FGD5: variants seen among roughly 807,000 people sequenced by gnomAD.
The protein encoded by FGD5 is FYVE, RhoGEF and PH domain-containing protein 5.
A neutral mutation model predicts 133.4 loss-of-function variants in FGD5; 28 were observed. The ratio of observed to expected loss-of-function variants is 0.21; its 90% CI spans 0.16 to 0.29. The LOEUF is 0.29. Ranked by LOEUF, FGD5 falls within the 10% of genes least tolerant of loss-of-function variation. The pLI, the probability that FGD5 is intolerant of heterozygous loss-of-function variation, is 1.00. For missense variants in FGD5, 1,858 were observed against 1,895.2 expected (o/e 0.98, Z 0.36); for synonymous variants, 810 against 776.5 (o/e 1.04, Z -0.72).
chr3:14,825,814 C>G (rs2036588568), intron 1 of FGD5, among the ~76,000 whole-genome samples: 1 of 152,150 alleles, frequency 6.6e-6, no homozygotes, highest in African/African-American at 2.4e-5. Context: ...GCGTGGGGAA[C>G]CCAGTCTTCA....
chr3:14,909,756 CTTTTCT>C (rs1446499898), intron 10 of FGD5, among the ~76,000 whole-genome samples: 8 of 145,390 alleles, frequency 5.5e-5, no homozygotes, highest in East Asian at 2.3e-4. Flanking sequence ...CTTTTCTTTT[CTTTTCT>C]TTTTTTTTTT....
At chr3:14,844,559 C>G (rs942700290) in intron 1 of FGD5, among the ~76,000 whole-genome samples, 1 of 151,650 alleles carries the variant, frequency 6.6e-6, no homozygotes, top group Non-Finnish European at 1.5e-5. Context: ...GGAGAAGGGT[C>G]CCTTGGGGAC....
At position 14,844,215 on chromosome 3, in the gene FGD5, AAAATATATATATATATATATATATATAT is replaced by A. The variant is rs1372811072; in HGVS notation, c.2526-19911_2526-19884del. 4.8e-3 allele frequency among the ~76,000 whole-genome samples: 133 copies of A among 27,506 alleles called. 17 individuals carry two copies. Among genetic ancestry groups the A allele is most frequent in the African/African-American group, 8.2e-3 (52 of 6,344 alleles). The allele number at this position is 27,506 out of a possible 152,430, so 18.0% of individuals were successfully genotyped here. A position where few individuals can be genotyped will look rare whatever the true frequency, so the allele number is the denominator to read the frequency against. On this transcript the variant is annotated intron_variant, in intron 1 of 19. Coordinates refer to ENST00000285046, the MANE Select transcript of FGD5 (RefSeq NM_152536.4). ...ATCTTAATAGGCATTAAAAAAAAAA[AAAATATATATATATATATATATATATAT>A]ATATATATATATATATATATATATA...
intron 1 of FGD5, among the ~76,000 whole-genome samples, chr3:14,837,380 C>A (rs763427760): frequency 5.3e-5 from 8 of 152,176 alleles, no homozygotes; most frequent in South Asian, 2.1e-4. Context: ...CATTCATTAT[C>A]CAGTTGCTTC....
intron 1 of FGD5, among the ~76,000 whole-genome samples, chr3:14,844,967 A>C (rs1021269422): frequency 2.0e-5 from 3 of 152,146 alleles, no homozygotes; most frequent in African/African-American, 7.2e-5. Flanking sequence ...TGTGCAAGGA[A>C]GTCCCTATGC....
chr3:14,841,914 C>T (rs1169474688), intron 1 of FGD5, among the ~76,000 whole-genome samples: 2 of 152,166 alleles, frequency 1.3e-5, no homozygotes. Context: ...TTCTTTCCAG[C>T]GAGGACTCAG....
intron 2 of FGD5, among the ~76,000 whole-genome samples, chr3:14,869,615 C>T (rs2037566025): frequency 6.6e-6 from 1 of 152,180 alleles, no homozygotes; most frequent in African/African-American, 2.4e-5. Flanking sequence ...TCCCCTATCC[C>T]CTGGCAGCCA....
chr3:14,842,786 C>A (rs1488880659), intron 1 of FGD5, among the ~76,000 whole-genome samples: 1 of 152,200 alleles, frequency 6.6e-6, no homozygotes, highest in Admixed American at 6.5e-5. Context: ...GGAGCAGGGA[C>A]TTGTCTCTCT....
Position 14,922,971 on chromosome 3 carries a change from G to A in FGD5, c.3808-75G>A, listed in dbSNP as rs980855589. ...GGCAGTTGTGGGTGGATTAGCAGAGGGAGCGGAGGGGAGGGGTGCAGGTCT... is the reference window on the plus strand; with the variant it reads ...GGCAGTTGTGGGTGGATTAGCAGAGAGAGCGGAGGGGAGGGGTGCAGGTCT... On this transcript the variant is annotated intron_variant, in intron 15 of 19. Transcript: ENST00000285046. This position sits in a 1 kb window ranked among gnomAD's most constrained non-coding sequence, Gnocchi z 4.1. 1.1e-4 allele frequency: 176 copies of A among 1,596,652 alleles called. No individual in the cohort carries two copies. Among genetic ancestry groups the A allele is most frequent in the Non-Finnish European group, 1.4e-4 (164 of 1,167,754 alleles).
chr3:14,876,639 G>A (rs947357820), intron 2 of FGD5, among the ~76,000 whole-genome samples: 3 of 152,202 alleles, frequency 2.0e-5, no homozygotes, highest in African/African-American at 7.2e-5. Context: ...ACAGAAGGTA[G>A]CTGGATTCAC....
At chr3:14,918,944 A>C (rs572621979) in intron 13 of FGD5, 111 bp downstream of exon 13, 4 of 1,179,904 alleles carry the variant, frequency 3.4e-6, no homozygotes, top group Non-Finnish European at 4.9e-6. Context: ...TTCTGGGTCA[A>C]AGTATCCTTC....
intron 4 of FGD5, among the ~76,000 whole-genome samples, chr3:14,887,800 T>TG (rs2037952445): frequency 6.6e-6 from 1 of 151,884 alleles, no homozygotes; most frequent in South Asian, 2.1e-4. Flanking sequence ...AATAGCCAGG[T>TG]GGGGGTGCAG....
intron 13 of FGD5, among the ~76,000 whole-genome samples, chr3:14,919,858 C>T (rs967963531): frequency 5.3e-5 from 8 of 152,118 alleles, no homozygotes; most frequent in South Asian, 2.1e-4. Flanking sequence ...TAATCTCATT[C>T]GTGAGGGCTC....
At chr3:14,850,717 C>T (rs866747451) in intron 1 of FGD5, among the ~76,000 whole-genome samples, 6 of 138,980 alleles carry the variant, frequency 4.3e-5, no homozygotes, top group Non-Finnish European at 6.2e-5. Context: ...TAAACTGCAA[C>T]GGGAGCCCCT....
intron 1 of FGD5, among the ~76,000 whole-genome samples, chr3:14,831,148 G>A (rs2036699759): frequency 6.6e-6 from 1 of 152,124 alleles, no homozygotes. Flanking sequence ...TGAGGCTGGA[G>A]GCCTTTGTGG....
At chr3:14,883,376 T>C (rs577894933) in intron 4 of FGD5, among the ~76,000 whole-genome samples, 1 of 152,218 alleles carries the variant, frequency 6.6e-6, no homozygotes, top group Non-Finnish European at 1.5e-5. Context: ...CATAAGAACT[T>C]TCCTCACCTG....
rs992233443 is a variant in FGD5, at chr3:14,864,845, T to G, written c.2658+585T>G. 2.0e-5 allele frequency among the ~76,000 whole-genome samples: 3 copies of G among 152,114 alleles called. No homozygotes were observed. The East Asian group carries it at 5.8e-4, about 29-fold the overall frequency. On this transcript the variant is annotated intron_variant, in intron 2 of 19. Coordinates refer to ENST00000285046, the MANE Select transcript of FGD5 (RefSeq NM_152536.4). ...TGCATCAGTGCTGATGGGGATAATA[T>G]ACACTCTCTATTGGACACTCATGGT...
chr3:14,854,422 T>TTTAC lies in FGD5; in HGVS notation c.2526-9703_2526-9702insCTTA, dbSNP rs1212738157. 1.9e-3 allele frequency among the ~76,000 whole-genome samples: 274 copies of TTTAC among 142,444 alleles called. 11 individuals are homozygous for TTTAC. Among genetic ancestry groups the TTTAC allele is most frequent in the East Asian group, 3.8e-3 (19 of 5,052 alleles). 93.4% of individuals were successfully genotyped at this position (142,444 alleles called of 152,430 possible). A position where few individuals can be genotyped will look rare whatever the true frequency, so the allele number is the denominator to read the frequency against. ...ATTTATTTATTTATTTATTTATTTA[T>TTTAC]TTATTTATTTATTGAGACGAGCTCA... On this transcript the variant is annotated intron_variant, in intron 1 of 19. Transcript: ENST00000285046.
intron 1 of FGD5, among the ~76,000 whole-genome samples, chr3:14,828,282 C>A (rs1045833537): frequency 6.6e-6 from 1 of 152,120 alleles, no homozygotes; most frequent in African/African-American, 2.4e-5. Flanking sequence ...GGCAGGATGT[C>A]TTCATGGACA....
Sources: allele counts gnomAD v4.1 joint callset (sites outside exome capture counted in the v4.1 genomes callset), GRCh38; gene constraint gnomAD v4.1.1; non-coding constraint Gnocchi (gnomAD v3.1); transcripts MANE v1.5; gene names NCBI Gene and HGNC (gene_info 2026-07-23, HGNC 2026-07-21).